CAMK1D: variants seen among roughly 807,000 people sequenced by gnomAD.
CAMK1D encodes the protein calcium/calmodulin dependent protein kinase ID, also known as calcium/calmodulin-dependent protein kinase type 1D.
A neutral mutation model predicts 47.7 loss-of-function variants in CAMK1D; 9 were observed. That is an observed-to-expected ratio of 0.19 (90% confidence interval 0.11 to 0.33). The LOEUF (loss-of-function observed/expected upper bound fraction) is 0.33. CAMK1D is among the 10% of genes least tolerant of loss of function. The probability of loss-of-function intolerance (pLI) is 1.00; values close to 1 mark genes in which losing one functional copy is unlikely to be tolerated. For missense variants in CAMK1D, 291 were observed against 488.7 expected, an observed-to-expected ratio of 0.60 and a Z score of 3.81; for synonymous variants, 184 against 184.9, an observed-to-expected ratio of 0.99 and a Z score of 0.04.
chr10:12,684,539 A>G lies in CAMK1D; in HGVS notation c.299+17729A>G, dbSNP rs149504351. On this transcript the variant is annotated intron_variant, in intron 3 of 10. Transcript: ENST00000619168. ...CAATATAGTAGAAGATGATCAATTC[A>G]TGATCTAAATACTAAAAGGCATCCA... is the stretch of plus-strand genomic sequence containing the variant. Among the ~76,000 whole-genome samples, 258 of 152,330 alleles carry G rather than the reference A, an allele frequency of 1.7e-3. 1 individual carries two copies. In the Middle Eastern group the frequency reaches 0.017, roughly 10 times the overall value.
intron 1 of CAMK1D, among the ~76,000 whole-genome samples, chr10:12,538,368 A>G (rs918425975): frequency 2.0e-5 from 3 of 152,156 alleles, no homozygotes; most frequent in Admixed American, 6.5e-5. Context: ...CTGCAGGTGA[A>G]GGGAAGGGAA....
chr10:12,463,238 A>G (rs1186352035), intron 1 of CAMK1D, among the ~76,000 whole-genome samples: 2 of 151,790 alleles, frequency 1.3e-5, no homozygotes, highest in Non-Finnish European at 2.9e-5. Context: ...CCCGTGTTCA[A>G]GTGATTCTCC....
chr10:12,801,985 A>C (rs1179994620), intron 6 of CAMK1D, among the ~76,000 whole-genome samples: 2 of 152,170 alleles, frequency 1.3e-5, no homozygotes, highest in African/African-American at 4.8e-5. Context: ...ACAAGGAAAA[A>C]GTCGCCCTTT....
rs1175552758 is a variant in CAMK1D, at chr10:12,829,585, T to G, written c.*698T>G. 3 of 152,032 alleles carry G rather than the reference T, an allele frequency of 2.0e-5. No homozygotes were observed. The East Asian group carries it at 5.8e-4, about 30-fold the overall frequency. The allele number at this position is 152,032 out of a possible 1,614,324, so 9.4% of individuals were successfully genotyped here. A position where few individuals can be genotyped will look rare whatever the true frequency, so the allele number is the denominator to read the frequency against. ...CACGTCTACTAAAAATACAAAAAAT[T>G]AGCCGGGCGTGGTGGCACACACCTG... On this transcript the variant is annotated 3_prime_UTR_variant, in exon 11 of 11. Coordinates refer to ENST00000619168, the MANE Select transcript of CAMK1D (RefSeq NM_153498.4).
chr10:12,789,745 G>C (rs974769923), intron 5 of CAMK1D, among the ~76,000 whole-genome samples: 9 of 152,242 alleles, frequency 5.9e-5, no homozygotes, highest in African/African-American at 2.2e-4. Flanking sequence ...TCCTGTCAAG[G>C]ATTGTTGGGG....
Position 12,518,937 on chromosome 10 carries a change from C to T in CAMK1D, c.93-34288C>T, listed in dbSNP as rs185914803. ...CCGATTTCTCAATTTTTTCCCCACC[C>T]TTCCCGCCTTTCTATTCCACAAAAC... On this transcript the variant is annotated intron_variant, in intron 1 of 10. Transcript: ENST00000619168. Among the ~76,000 whole-genome samples, 8 of 129,832 alleles carry T rather than the reference C, an allele frequency of 6.2e-5. No individual in the cohort carries two copies. In the East Asian group the frequency reaches 1.0e-3, roughly 17 times the overall value. The allele number at this position is 129,832 out of a possible 152,430, so 85.2% of individuals were successfully genotyped here.
chr10:12,698,672 A>AATTTTTATTTTT (rs1833390223), intron 3 of CAMK1D, among the ~76,000 whole-genome samples: 1 of 35,636 alleles, frequency 2.8e-5, no homozygotes, highest in African/African-American at 7.9e-5. Context: ...CCCTTTAAAG[A>AATTTTTATTTTT]ATTTTTTTTT....
intron 3 of CAMK1D, among the ~76,000 whole-genome samples, chr10:12,751,813 G>A (rs539959296): frequency 2.8e-4 from 43 of 152,270 alleles, no homozygotes; most frequent in African/African-American, 9.9e-4. Context: ...TGTGGTGGGC[G>A]GCTGGGGCCA....
intron 3 of CAMK1D, among the ~76,000 whole-genome samples, chr10:12,754,172 T>C (rs910922204): frequency 1.3e-5 from 2 of 152,170 alleles, no homozygotes; most frequent in East Asian, 1.9e-4. Context: ...ATTACAGGTG[T>C]GAGCCACCAC....
intron 5 of CAMK1D, among the ~76,000 whole-genome samples, chr10:12,790,209 C>A (rs1363154135): frequency 6.6e-6 from 1 of 152,258 alleles, no homozygotes; most frequent in Non-Finnish European, 1.5e-5. Flanking sequence ...GGTTGAATTG[C>A]AGTTTTTCTG....
chr10:12,758,322 G>A (rs944117410), intron 3 of CAMK1D, among the ~76,000 whole-genome samples: 9 of 151,914 alleles, frequency 5.9e-5, no homozygotes, highest in Admixed American at 5.9e-4. Flanking sequence ...ATTTTGAAAA[G>A]TACAAAGAGA....
chr10:12,534,824 C>T (rs1367533063), intron 1 of CAMK1D, among the ~76,000 whole-genome samples: 1 of 152,074 alleles, frequency 6.6e-6, no homozygotes, highest in Non-Finnish European at 1.5e-5. Flanking sequence ...ACCTTGGAGT[C>T]CTCTGCATTT....
At chr10:12,735,426 C>T (rs980331759) in intron 3 of CAMK1D, among the ~76,000 whole-genome samples, 4 of 151,962 alleles carry the variant, frequency 2.6e-5, no homozygotes, top group East Asian at 1.9e-4. Flanking sequence ...TGCAGTGAGC[C>T]GAGATTGCGC....
At chr10:12,423,954 G>T (rs1033378237) in intron 1 of CAMK1D, among the ~76,000 whole-genome samples, 3 of 152,164 alleles carry the variant, frequency 2.0e-5, no homozygotes, top group African/African-American at 7.2e-5. Context: ...GTCTTGAGCT[G>T]CGTTGTTCGG....
At chr10:12,720,347 G>A (rs1834325304) in intron 3 of CAMK1D, among the ~76,000 whole-genome samples, 1 of 152,206 alleles carries the variant, frequency 6.6e-6, no homozygotes, top group Non-Finnish European at 1.5e-5. Flanking sequence ...GAGACAATGT[G>A]CCTCTTGGTC....
At chr10:12,456,440 A>G (rs568886675) in intron 1 of CAMK1D, 2 of 152,300 alleles carry the variant, frequency 1.3e-5, no homozygotes, top group African/African-American at 2.4e-5. Flanking sequence ...AACTCAGACC[A>G]CCAGTGGGGG....
chr10:12,539,360 G>T (rs1212846012), intron 1 of CAMK1D, among the ~76,000 whole-genome samples: 3 of 152,166 alleles, frequency 2.0e-5, no homozygotes, highest in African/African-American at 7.2e-5. Flanking sequence ...TGAGACATCT[G>T]CCCTGAATGA....
chr10:12,435,583 G>T (rs2131999605), intron 1 of CAMK1D, among the ~76,000 whole-genome samples: 1 of 152,322 alleles, frequency 6.6e-6, no homozygotes, highest in East Asian at 1.9e-4. Flanking sequence ...GGTGAGACGT[G>T]CTCTGTGCCC....
chr10:12,418,490 C>G (rs955576108), intron 1 of CAMK1D, among the ~76,000 whole-genome samples: 3 of 152,106 alleles, frequency 2.0e-5, no homozygotes, highest in African/African-American at 7.2e-5. Flanking sequence ...TGCCTGTAGT[C>G]CTAGCTACTG....
Sources: allele counts gnomAD v4.1 joint callset (sites outside exome capture counted in the v4.1 genomes callset), GRCh38; gene constraint gnomAD v4.1.1; transcripts MANE v1.5; gene names NCBI Gene and HGNC (gene_info 2026-07-23, HGNC 2026-07-21).